Variants in PSMA1 observed in about 807,000 individuals in gnomAD.
PSMA1 encodes the protein proteasome 20S subunit alpha 1, also known as proteasome subunit alpha type-1.
PSMA1 carries 3 observed loss-of-function variants against 38.4 expected under a neutral mutation model. That is an observed-to-expected ratio of 0.08 (90% CI 0.04 to 0.20). The LOEUF is 0.20. Ranked by LOEUF, PSMA1 falls within the 10% of genes least tolerant of loss-of-function variation. The pLI, the probability that PSMA1 is intolerant of heterozygous loss-of-function variation, is 1.00. For synonymous variants in PSMA1, 101 were observed against 107.1 expected (o/e 0.94, Z 0.35); for missense variants, 227 against 325.3 (o/e 0.70, Z 2.32).
upstream of PSMA1, among the ~76,000 whole-genome samples, chr11:14,524,024 C>T (rs368213414): frequency 3.4e-5 from 5 of 146,602 alleles, no homozygotes; most frequent in African/African-American, 1.3e-4. Context: ...CCTGTAATCC[C>T]GACACTTTTT....
intron 1 of PSMA1, among the ~76,000 whole-genome samples, chr11:14,639,051 T>C (rs559942360): frequency 1.3e-5 from 2 of 152,304 alleles, no homozygotes; most frequent in African/African-American, 4.8e-5. Context: ...AGTAAATTTG[T>C]GTCAGAGATA....
chr11:14,510,824 G>T (rs112589346), intron 8 of PSMA1, 48 bp downstream of exon 8: 1 of 1,364,066 alleles, frequency 7.3e-7, no homozygotes. Flanking sequence ...TGCAATAAAG[G>T]TTTAAACTGT....
chr11:14,507,675 C>A lies in PSMA1; in HGVS notation c.716G>T (p.Arg239Ile). ...VSPFLEGLEE[R>I]PQRKAQPAQP... ...ATATACCTGTGCCTTTCTCTGTGGT[C>A]TTTCTTCAAGACCTTCCAGGAATGG... The change falls in exon 9 of 10, where the codon AGA becomes ATA. Residue 239 changes from arginine (R) to isoleucine (I), a missense_variant. Physicochemically the swap from Arg to Ile is moderately conservative, Grantham distance 97. Coordinates refer to ENST00000396394, the MANE Select transcript of PSMA1 (RefSeq NM_002786.4). 6.2e-7 allele frequency: 1 copy of A among 1,609,510 alleles called. No individual in the cohort carries two copies. The highest frequency in any genetic ancestry group is 1.1e-5 in the South Asian group (1 of 90,952).
At chr11:14,587,693 T>G (rs1852365432) in intron 2 of PSMA1, among the ~76,000 whole-genome samples, 1 of 152,094 alleles carries the variant, frequency 6.6e-6, no homozygotes, top group Admixed American at 6.6e-5. Context: ...ATCCTATTAT[T>G]TATTCTATGA....
At chr11:14,625,390 G>T (rs1852898459) in intron 1 of PSMA1, among the ~76,000 whole-genome samples, 1 of 152,206 alleles carries the variant, frequency 6.6e-6, no homozygotes, top group African/African-American at 2.4e-5. Flanking sequence ...AAAGTTTGCA[G>T]TGAGCTGAGA....
chr11:14,609,474 A>G (rs1852682959), intron 2 of PSMA1, among the ~76,000 whole-genome samples: 1 of 152,218 alleles, frequency 6.6e-6, no homozygotes, highest in Admixed American at 6.5e-5. Flanking sequence ...AATATTTAAC[A>G]TATTAGTGAC....
intron 2 of PSMA1, among the ~76,000 whole-genome samples, chr11:14,561,823 AC>A (rs2134173469): frequency 6.9e-6 from 1 of 144,900 alleles, no homozygotes; most frequent in Non-Finnish European, 1.5e-5. Context: ...ACTAAACTAA[AC>A]TAAACTAAAC....
Position 14,504,878 on chromosome 11 carries a change from C to A in PSMA1, c.*314G>T. ...CTTAAAAAAACAAAAACCCAATATACCAGGCGGTGAAACAATTTTATTTCA... is the reference window on the plus strand; with the variant it reads ...CTTAAAAAAACAAAAACCCAATATAACAGGCGGTGAAACAATTTTATTTCA... On this transcript the variant is annotated 3_prime_UTR_variant, in exon 10 of 10. Coordinates refer to ENST00000396394, the MANE Select transcript of PSMA1 (RefSeq NM_002786.4). 3.8e-6 allele frequency: 1 copy of A among 264,540 alleles called. No homozygotes were observed. The highest frequency in any genetic ancestry group is 7.2e-6 in the Non-Finnish European group (1 of 138,720). The allele number at this position is 264,540 out of a possible 1,614,324, so 16.4% of individuals were successfully genotyped here. A position where few individuals can be genotyped will look rare whatever the true frequency, so the allele number is the denominator to read the frequency against.
At chr11:14,633,682 G>A (rs907018440) in intron 1 of PSMA1, among the ~76,000 whole-genome samples, 6 of 152,172 alleles carry the variant, frequency 3.9e-5, no homozygotes, top group African/African-American at 1.4e-4. Context: ...CGAGCTTCCT[G>A]GCTGCTTTGT....
intron 2 of PSMA1, among the ~76,000 whole-genome samples, chr11:14,585,733 C>A (rs960826766): frequency 5.2e-4 from 79 of 152,310 alleles, no homozygotes; most frequent in African/African-American, 1.8e-3. Flanking sequence ...CTCATGCTAG[C>A]TCTGTGATCC....
intron 2 of PSMA1, among the ~76,000 whole-genome samples, chr11:14,564,754 T>C (rs1451002393): frequency 6.6e-6 from 1 of 152,012 alleles, no homozygotes; most frequent in Non-Finnish European, 1.5e-5. Flanking sequence ...TCTTTAATAG[T>C]TATAGTACTT....
chr11:14,619,024 G>T (rs1852808697), intron 1 of PSMA1, among the ~76,000 whole-genome samples: 1 of 152,028 alleles, frequency 6.6e-6, no homozygotes, highest in South Asian at 2.1e-4. Context: ...CCTTCATCTA[G>T]CATGTATTGA....
At chr11:14,620,627 C>T (rs1289707215) in intron 1 of PSMA1, among the ~76,000 whole-genome samples, 3 of 152,160 alleles carry the variant, frequency 2.0e-5, no homozygotes, top group African/African-American at 4.8e-5. Context: ...AATAAAGCAG[C>T]AAAGCAATTT....
At chr11:14,612,858 C>T (rs1252042024) in intron 1 of PSMA1, among the ~76,000 whole-genome samples, 2 of 151,960 alleles carry the variant, frequency 1.3e-5, no homozygotes, top group African/African-American at 2.4e-5. Flanking sequence ...CCTATACTTC[C>T]TTCCTTAGAA....
At chr11:14,509,875 C>G (rs375606925) in intron 8 of PSMA1, among the ~76,000 whole-genome samples, 11 of 152,196 alleles carry the variant, frequency 7.2e-5, no homozygotes, top group African/African-American at 2.4e-4. Flanking sequence ...AGGCGCCTGC[C>G]ACCAAGCCCG....
intron 2 of PSMA1, among the ~76,000 whole-genome samples, chr11:14,608,335 C>A (rs1034745027): frequency 6.6e-6 from 1 of 151,378 alleles, no homozygotes; most frequent in Admixed American, 6.6e-5. Context: ...GGTCATACAG[C>A]GAGACCCTGT....
intron 2 of PSMA1, among the ~76,000 whole-genome samples, chr11:14,579,260 G>T (rs181458809): frequency 4.1e-4 from 62 of 152,274 alleles, no homozygotes; most frequent in African/African-American, 1.3e-3. Context: ...CCTTCTGAAG[G>T]TTCTAGAAGA....
chr11:14,528,757 A>G (rs1342457678), intron 2 of PSMA1, among the ~76,000 whole-genome samples: 9 of 152,144 alleles, frequency 5.9e-5, no homozygotes, highest in African/African-American at 1.9e-4. Context: ...AAGTTCCACC[A>G]TTGATTTATT....
intron 2 of PSMA1, among the ~76,000 whole-genome samples, chr11:14,548,531 G>T (rs1207609597): frequency 1.3e-5 from 2 of 152,274 alleles, no homozygotes; most frequent in Non-Finnish European, 1.5e-5. Context: ...AGTATCAAGT[G>T]TGCATATCTC....
Sources: gnomAD v4.1 joint callset for allele counts (sites outside exome capture counted in the v4.1 genomes callset) on GRCh38, gnomAD v4.1.1 for gene constraint, MANE v1.5 for transcripts, NCBI Gene and HGNC (gene_info 2026-07-23, HGNC 2026-07-21) for gene names.